BAZ2B: variants seen among roughly 807,000 people sequenced by gnomAD.
The protein encoded by BAZ2B is bromodomain adjacent to zinc finger domain 2B.
BAZ2B carries 91 observed loss-of-function variants against 246.0 expected under a neutral mutation model. The ratio of observed to expected loss-of-function variants is 0.37; its 90% CI spans 0.31 to 0.44. BAZ2B has a LOEUF of 0.44. Among genes scored for constraint, BAZ2B ranks in the 20% least tolerant of loss-of-function variants. The pLI, the probability that BAZ2B is intolerant of heterozygous loss-of-function variation, is 1.00. For missense variants in BAZ2B, 2,332 were observed against 2,533.7 expected (o/e 0.92, Z 1.71); for synonymous variants, 855 against 860.0 (o/e 0.99, Z 0.10).
chr2:159,354,997 C>G (rs2058946090), intron 27 of BAZ2B, among the ~76,000 whole-genome samples: 1 of 152,194 alleles, frequency 6.6e-6, no homozygotes, highest in Non-Finnish European at 1.5e-5. Context: ...TTACCAGAAT[C>G]ACTCTGACCC....
the BAZ2B span, among the ~76,000 whole-genome samples, chr2:159,670,359 A>G: frequency 1.3e-5 from 2 of 152,028 alleles, no homozygotes; most frequent in African/African-American, 4.8e-5. Flanking sequence ...ACCTCTTTGT[A>G]TTTTATTTTT....
chr2:159,551,094 C>T (rs2088123035), intron 2 of BAZ2B, among the ~76,000 whole-genome samples: 1 of 152,100 alleles, frequency 6.6e-6, no homozygotes, highest in Non-Finnish European at 1.5e-5. Context: ...CTGTTGGGCT[C>T]CCAAAGTGCT....
intron 1 of BAZ2B, among the ~76,000 whole-genome samples, chr2:159,579,119 A>T (rs1686077787): frequency 6.6e-6 from 1 of 152,220 alleles, no homozygotes; most frequent in African/African-American, 2.4e-5. Context: ...CCTTCAAAAA[A>T]TCAATGAATC....
the BAZ2B span, among the ~76,000 whole-genome samples, chr2:159,648,632 T>C: frequency 6.6e-6 from 1 of 152,224 alleles, no homozygotes; most frequent in Non-Finnish European, 1.5e-5. Flanking sequence ...GATTCACTCA[T>C]TGTTTGCATG....
At chr2:159,336,403 G>A (rs2065673994) in intron 33 of BAZ2B, among the ~76,000 whole-genome samples, 1 of 152,090 alleles carries the variant, frequency 6.6e-6, no homozygotes, top group Non-Finnish European at 1.5e-5. Context: ...GAAAGAAGGT[G>A]GAAAACCAAT....
chr2:159,576,864 G>A (rs1227624211), intron 1 of BAZ2B, among the ~76,000 whole-genome samples: 3 of 125,012 alleles, frequency 2.4e-5, no homozygotes, highest in Non-Finnish European at 4.7e-5. Context: ...GGTGAGCCGA[G>A]ATCACGCCAC....
intron 2 of BAZ2B, among the ~76,000 whole-genome samples, chr2:159,480,796 G>A (rs1218633289): frequency 2.0e-5 from 3 of 151,928 alleles, no homozygotes; most frequent in Admixed American, 2.0e-4. Context: ...AAGTAAGAAG[G>A]GGCTTAACTT....
At chr2:159,639,730 GA>G in the BAZ2B span, among the ~76,000 whole-genome samples, 1 of 151,826 alleles carries the variant, frequency 6.6e-6, no homozygotes, top group Non-Finnish European at 1.5e-5. Context: ...CATACCACTA[GA>G]AAAAAATCAA....
chr2:159,455,210 T>A (rs2075585890), intron 3 of BAZ2B, among the ~76,000 whole-genome samples: 1 of 152,038 alleles, frequency 6.6e-6, no homozygotes, highest in African/African-American at 2.4e-5. Flanking sequence ...AAAAATAGTA[T>A]ACTTATTATT....
chr2:159,508,346 C>T (rs776418451), intron 2 of BAZ2B, among the ~76,000 whole-genome samples: 1 of 152,162 alleles, frequency 6.6e-6, no homozygotes, highest in African/African-American at 2.4e-5. Context: ...GCCAGATCAG[C>T]AAAGTCAAAC....
At chr2:159,679,055 G>A in the BAZ2B span, among the ~76,000 whole-genome samples, 1 of 151,996 alleles carries the variant, frequency 6.6e-6, no homozygotes. Context: ...GGCGGATCAC[G>A]AGGTCAGGAG....
the BAZ2B span, among the ~76,000 whole-genome samples, chr2:159,637,719 G>C: frequency 6.6e-6 from 1 of 152,036 alleles, no homozygotes; most frequent in Admixed American, 6.6e-5. Context: ...CACCATGCCC[G>C]AGTAATTTTT....
chr2:159,533,547 CTT>C (rs2085595589), intron 2 of BAZ2B, among the ~76,000 whole-genome samples: 1 of 152,100 alleles, frequency 6.6e-6, no homozygotes, highest in African/African-American at 2.4e-5. Context: ...AGCAGGCAAT[CTT>C]TCAAAATCCC....
At chr2:159,430,737 T>C (rs1387032639) in intron 10 of BAZ2B, 126 bp downstream of exon 10, 2 of 1,434,676 alleles carry the variant, frequency 1.4e-6, no homozygotes, top group East Asian at 2.4e-5. Context: ...TCACCTTCCT[T>C]AGCCAACCTA....
the BAZ2B span, among the ~76,000 whole-genome samples, chr2:159,622,145 T>G: frequency 6.7e-6 from 1 of 150,000 alleles, no homozygotes; most frequent in Non-Finnish European, 1.5e-5. Context: ...GGTGCATGCA[T>G]GTAGTCCTAG....
intron 27 of BAZ2B, among the ~76,000 whole-genome samples, chr2:159,357,233 A>G (rs1400370866): frequency 1.3e-5 from 2 of 152,072 alleles, no homozygotes; most frequent in Admixed American, 6.6e-5. Flanking sequence ...CCTTGAAAAA[A>G]GGTTAGAGGA....
chr2:159,425,184 CTGT>C (rs1002327550), intron 13 of BAZ2B, among the ~76,000 whole-genome samples: 33 of 152,112 alleles, frequency 2.2e-4, no homozygotes, highest in Non-Finnish European at 3.7e-4. Flanking sequence ...AATTGTTTTT[CTGT>C]TGTTGTTTTT....
chr2:159,499,630 C>A (rs1017026175), intron 2 of BAZ2B, among the ~76,000 whole-genome samples: 10 of 152,184 alleles, frequency 6.6e-5, no homozygotes, highest in Admixed American at 1.3e-4. Context: ...CTAATTTACA[C>A]TCCCATCAAC....
At chr2:159,592,276 T>C (rs192954364) in intron 1 of BAZ2B, among the ~76,000 whole-genome samples, 1 of 152,352 alleles carries the variant, frequency 6.6e-6, no homozygotes, top group East Asian at 1.9e-4. Context: ...TCTGGGATCA[T>C]GTTAAGTCTG....
Sources: allele counts gnomAD v4.1 joint callset (sites outside exome capture counted in the v4.1 genomes callset), GRCh38; gene constraint gnomAD v4.1.1; transcripts MANE v1.5; gene names NCBI Gene and HGNC (gene_info 2026-07-23, HGNC 2026-07-21).